The following PTPRR variants were observed in gnomAD, a reference collection of about 807,000 sequenced individuals.
The protein encoded by PTPRR is receptor-type tyrosine-protein phosphatase R.
In PTPRR, 38 loss-of-function variants were observed where a neutral mutation model predicts 77.2. The observed-to-expected ratio is 0.49, with a 90% CI of 0.38 to 0.65. The LOEUF is 0.65. Ranked by LOEUF, PTPRR falls within the 30% of genes least tolerant of loss-of-function variation. The pLI is 0.00. For missense variants in PTPRR, 744 were observed against 799.2 expected, an observed-to-expected ratio of 0.93 and a Z score of 0.83; for synonymous variants, 299 against 283.1, an observed-to-expected ratio of 1.06 and a Z score of -0.57.
chr12:70,752,199 AG>A (rs1301805611), intron 5 of PTPRR, among the ~76,000 whole-genome samples: 1 of 152,182 alleles, frequency 6.6e-6, no homozygotes, highest in Non-Finnish European at 1.5e-5. Flanking sequence ...CTTTGCCCAC[AG>A]CACCAGCAAC....
intron 2 of PTPRR, among the ~76,000 whole-genome samples, chr12:70,839,462 T>C (rs1047714721): frequency 3.9e-5 from 6 of 152,194 alleles, no homozygotes; most frequent in Non-Finnish European, 4.4e-5. Flanking sequence ...TCTTCTGTAG[T>C]TGCAGCATAT....
chr12:70,691,646 G>A (rs938510860), intron 8 of PTPRR, among the ~76,000 whole-genome samples: 2 of 152,126 alleles, frequency 1.3e-5, no homozygotes, highest in African/African-American at 4.8e-5. Flanking sequence ...CCCTTCATGT[G>A]TTCCTGACAG....
intron 13 of PTPRR, among the ~76,000 whole-genome samples, chr12:70,655,277 C>G (rs1886535430): frequency 6.6e-6 from 1 of 152,182 alleles, no homozygotes; most frequent in African/African-American, 2.4e-5. Flanking sequence ...AACTGGAACC[C>G]TCCTGTGTTG....
In PTPRR at chr12:70,831,835, G is replaced by A. The variant is rs747122098; in HGVS notation, c.357+60844C>T. On this transcript the variant is annotated intron_variant, in intron 2 of 13. Coordinates refer to ENST00000283228, the MANE Select transcript of PTPRR (RefSeq NM_002849.4). Reference sequence around the variant, plus strand: ...CTAGATATCTTAAAGCCTTTCTTAAGGTCAGAAAGTCTGCCAACATAGAGC... The same window carrying A: ...CTAGATATCTTAAAGCCTTTCTTAAAGTCAGAAAGTCTGCCAACATAGAGC... 1.3e-3 allele frequency among the ~76,000 whole-genome samples: 203 copies of A among 152,180 alleles called. 1 individual carries two copies. Among genetic ancestry groups the A allele is most frequent in the Non-Finnish European group, 2.3e-3 (155 of 67,990 alleles).
chr12:70,710,767 A>AT (rs749860789), intron 6 of PTPRR, among the ~76,000 whole-genome samples: 108 of 152,272 alleles, frequency 7.1e-4, no homozygotes, highest in Non-Finnish European at 3.5e-4. Context: ...CCAAAAGAAG[A>AT]TATAGGTGCA....
chr12:70,761,765 G>T, intron 3 of PTPRR, 139 bp from the exon 4 acceptor site: 1 of 621,774 alleles, frequency 1.6e-6, no homozygotes. Context: ...ATATTTATTA[G>T]TTATTCTCTG....
chr12:70,694,826 C>A (rs1335511174), intron 8 of PTPRR, among the ~76,000 whole-genome samples: 3 of 151,972 alleles, frequency 2.0e-5, no homozygotes, highest in Admixed American at 2.0e-4. Context: ...AAAATTTAAA[C>A]TTATTATTAC....
At chr12:70,729,330 A>T (rs934069657) in intron 6 of PTPRR, among the ~76,000 whole-genome samples, 3 of 5,388 alleles carry the variant, frequency 5.6e-4, no homozygotes, top group Non-Finnish European at 9.7e-4. Context: ...CTATCTGTCT[A>T]TCTATCTATC....
chr12:70,846,736 G>A lies in PTPRR; in HGVS notation c.357+45943C>T, dbSNP rs202124887. Among the ~76,000 whole-genome samples, 3 of 152,238 alleles carry A rather than the reference G, an allele frequency of 2.0e-5. No homozygotes were observed. The East Asian group carries it at 5.8e-4, about 29-fold the overall frequency. The stretch of plus-strand genomic sequence containing the variant: ...ACCAGAGAGTGAGCCCTCACCAGAC[G>A]CCAAATCTGCTGGGTCCTTGATCAT... On this transcript the variant is annotated intron_variant, in intron 2 of 13. Transcript: ENST00000283228.
chr12:70,713,977 C>T (rs892420043), intron 6 of PTPRR, among the ~76,000 whole-genome samples: 11 of 152,022 alleles, frequency 7.2e-5, no homozygotes, highest in East Asian at 1.9e-4. Flanking sequence ...CATTGGAAGA[C>T]GGAGTGAAGC....
At chr12:70,793,973 CT>C (rs1891466192) in intron 2 of PTPRR, among the ~76,000 whole-genome samples, 1 of 152,092 alleles carries the variant, frequency 6.6e-6, no homozygotes, top group African/African-American at 2.4e-5. Context: ...TTATTTTTAT[CT>C]TTTAATTCCA....
At chr12:70,795,343 G>C (rs1891493150) in intron 2 of PTPRR, among the ~76,000 whole-genome samples, 1 of 152,126 alleles carries the variant, frequency 6.6e-6, no homozygotes, top group Non-Finnish European at 1.5e-5. Context: ...AAGTAAATAG[G>C]ATGTTGGAAT....
intron 2 of PTPRR, among the ~76,000 whole-genome samples, chr12:70,887,482 AAGT>A (rs1893260407): frequency 6.6e-6 from 1 of 152,132 alleles, no homozygotes; most frequent in South Asian, 2.1e-4. Context: ...GTGAAGAAAA[AAGT>A]AGGAAATTTA....
intron 6 of PTPRR, among the ~76,000 whole-genome samples, chr12:70,713,987 C>A (rs1219381973): frequency 6.6e-6 from 1 of 152,082 alleles, no homozygotes. Flanking sequence ...CGGAGTGAAG[C>A]AGAGCAACCC....
chr12:70,866,179 A>C (rs1229143114), intron 2 of PTPRR, among the ~76,000 whole-genome samples: 1 of 152,098 alleles, frequency 6.6e-6, no homozygotes, highest in Non-Finnish European at 1.5e-5. Context: ...AGAAATAACT[A>C]AAATCAGAGC....
At chr12:70,862,411 TA>T (rs199982025) in intron 2 of PTPRR, among the ~76,000 whole-genome samples, 2,204 of 151,992 alleles carry the variant, frequency 0.015, 62 homozygotes, top group African/African-American at 0.05. Context: ...TATGCAGCCA[TA>T]AAAAATGATG....
At chr12:70,682,947 G>A (rs1227145594) in intron 10 of PTPRR, among the ~76,000 whole-genome samples, 1 of 151,826 alleles carries the variant, frequency 6.6e-6, no homozygotes, top group Non-Finnish European at 1.5e-5. Flanking sequence ...AGTGTGTTTA[G>A]TTAGTAAGCC....
At chr12:70,700,489 C>T (rs1888381501) in intron 7 of PTPRR, among the ~76,000 whole-genome samples, 1 of 152,194 alleles carries the variant, frequency 6.6e-6, no homozygotes, top group Admixed American at 6.6e-5. Flanking sequence ...CATATGCACC[C>T]TGTTGGCCAA....
intron 2 of PTPRR, among the ~76,000 whole-genome samples, chr12:70,860,138 C>T (rs1434371378): frequency 6.6e-6 from 1 of 152,046 alleles, no homozygotes; most frequent in Non-Finnish European, 1.5e-5. Flanking sequence ...GTTTTCAGTA[C>T]TACAGATACA....
Sources: allele counts gnomAD v4.1 joint callset (sites outside exome capture counted in the v4.1 genomes callset), GRCh38; gene constraint gnomAD v4.1.1; transcripts MANE v1.5; gene names NCBI Gene and HGNC (gene_info 2026-07-23, HGNC 2026-07-21).